Variants in UBE3A observed in about 807,000 individuals in gnomAD.
The protein encoded by UBE3A is ubiquitin-protein ligase E3A.
A neutral mutation model predicts 83.4 loss-of-function variants in UBE3A; 6 were observed. The observed-to-expected ratio is 0.07, with a 90% confidence interval of 0.04 to 0.14. The LOEUF (loss-of-function observed/expected upper bound fraction) is 0.14. Among genes scored for constraint, UBE3A ranks in the 10% least tolerant of loss-of-function variants. UBE3A has a pLI of 1.00. For missense variants in UBE3A, 456 were observed against 1,036.1 expected (o/e 0.44, Z 7.69); for synonymous variants, 337 against 355.4 (o/e 0.95, Z 0.58).
intron 11 of UBE3A, among the ~76,000 whole-genome samples, chr15:25,351,235 G>A (rs987219828): frequency 6.6e-6 from 1 of 152,086 alleles, no homozygotes; most frequent in African/African-American, 2.4e-5. Flanking sequence ...TGTAATTTAG[G>A]GTAGTCATAG....
chr15:25,346,430 AT>A (rs1224394096), intron 11 of UBE3A: 1 of 150,198 alleles, frequency 6.7e-6, no homozygotes, highest in Non-Finnish European at 1.5e-5. Flanking sequence ...TGAAGTTAAA[AT>A]TTTTAAAAAG....
intron 1 of UBE3A, among the ~76,000 whole-genome samples, chr15:25,435,005 C>T (rs939265372): frequency 6.8e-6 from 1 of 147,990 alleles, no homozygotes; most frequent in African/African-American, 2.5e-5. Context: ...CACACACACA[C>T]ACACACACAC....
rs192131651 is a variant in UBE3A at position 25,337,753 on chromosome 15, A to G, written c.*1384T>C. 294 of 152,228 alleles carry G rather than the reference A, an allele frequency of 1.9e-3. 1 individual carries two copies. The highest frequency in any genetic ancestry group is 6.6e-3 in the African/African-American group (275 of 41,530). 9.4% of individuals were successfully genotyped at this position (152,228 alleles called of 1,614,324 possible). ...TAGCTATAGCTTGTAGCAAAAGGAT[A>G]TATCAATGTCTCACCTTAGTTAAAA... On this transcript the variant is annotated 3_prime_UTR_variant, in exon 13 of 13. Transcript: ENST00000648336.
intron 9 of UBE3A, 84 bp downstream of exon 9, chr15:25,355,808 T>C (rs954959775): frequency 1.4e-5 from 18 of 1,320,398 alleles, no homozygotes; most frequent in Non-Finnish European, 1.9e-5. Context: ...CAGACTATAT[T>C]AGATACTTCT....
At chr15:25,398,790 T>TAA (rs1207985872) in intron 4 of UBE3A, among the ~76,000 whole-genome samples, 1 of 66,016 alleles carries the variant, frequency 1.5e-5, no homozygotes, top group African/African-American at 5.3e-5. Flanking sequence ...TATATATATA[T>TAA]ATATATATAT....
chr15:25,369,386 A>C lies in UBE3A; in HGVS notation c.1608+1180T>G, dbSNP rs577500690. Among the ~76,000 whole-genome samples the C allele has an allele frequency of 4.1e-5, 6 of 146,112 alleles. No individual in the cohort carries two copies. In the East Asian group the frequency reaches 7.7e-4, roughly 19 times the overall value. Reference sequence around the variant, plus strand: ...AACAAACCAGTAACAAAAAAAAAAAAAACACACAAAATCTCTGCAATTTTT... The same window carrying C: ...AACAAACCAGTAACAAAAAAAAAAACAACACACAAAATCTCTGCAATTTTT... On this transcript the variant is annotated intron_variant, in intron 6 of 12. Coordinates refer to ENST00000648336, the MANE Select transcript of UBE3A (RefSeq NM_130839.5).
chr15:25,405,734 C>T, intron 3 of UBE3A: 1 of 552,690 alleles, frequency 1.8e-6, no homozygotes, highest in Admixed American at 3.1e-5. Context: ...TTAAAGGAAA[C>T]TGTAAACGCT....
Position 25,356,012 on chromosome 15 carries a change from A to G in UBE3A, c.2004T>C (p.Asn668=), listed in dbSNP as rs1223940237. 1.2e-6 allele frequency: 2 copies of G among 1,613,710 alleles called. No homozygotes were observed. The highest frequency in any genetic ancestry group is 4.5e-5 in the East Asian group (2 of 44,776). The change falls in exon 9 of 13, where the codon AAT becomes AAC. Residue 668 remains asparagine (N), a synonymous_variant. Coordinates refer to ENST00000648336, the MANE Select transcript of UBE3A (RefSeq NM_130839.5). ...AAGTGATCATCATGTCATCTTCCACATTCCCTTCATACTCCAATAAATCTT... is the reference window on the plus strand; with the variant it reads ...AAGTGATCATCATGTCATCTTCCACGTTCCCTTCATACTCCAATAAATCTT... ...SLKDLLEYEG[N]VEDDMMITFQ...
chr15:25,370,556 C>G lies in UBE3A; in HGVS notation c.1608+10G>C, dbSNP rs1442871750. ...CATTATTAGGTTTTTAATCTAGCAG[C>G]CCAACTTACCCGGACAAGTGCATCA... On this transcript the variant is annotated intron_variant, in intron 6 of 12. Coordinates refer to ENST00000648336, the MANE Select transcript of UBE3A (RefSeq NM_130839.5). The surrounding 1 kb of genome is among the most constrained non-coding windows in gnomAD (Gnocchi z 4.2). 6.2e-7 allele frequency: 1 copy of G among 1,613,982 alleles called. No homozygotes were observed. The highest frequency in any genetic ancestry group is 8.5e-7 in the Non-Finnish European group (1 of 1,179,942).
At chr15:25,359,293 A>G (rs1162907133) in intron 7 of UBE3A, among the ~76,000 whole-genome samples, 9 of 152,238 alleles carry the variant, frequency 5.9e-5, no homozygotes, top group African/African-American at 1.4e-4. Flanking sequence ...TATGAAGTTT[A>G]TAATTTTCTA....
chr15:25,407,262 A>T, intron 3 of UBE3A: 1 of 1,090,656 alleles, frequency 9.2e-7, no homozygotes, highest in Middle Eastern at 2.6e-4. Flanking sequence ...ACCTGCTGGC[A>T]CTGAGGGAAG....
intron 11 of UBE3A, among the ~76,000 whole-genome samples, chr15:25,344,598 ACATT>A (rs1450445065): frequency 6.6e-6 from 1 of 152,232 alleles, no homozygotes; most frequent in South Asian, 2.1e-4. Flanking sequence ...AAATACAAAA[ACATT>A]CATTAGTTCG....
At chr15:25,356,539 TG>T in intron 8 of UBE3A, 151 bp downstream of exon 8, 1 of 765,714 alleles carries the variant, frequency 1.3e-6, no homozygotes, top group Non-Finnish European at 2.1e-6. Flanking sequence ...TAAGTGTTTC[TG>T]GTACTTCGGT....
Position 25,354,337 on chromosome 15 carries a change from G to A in UBE3A, c.2354+16C>T, listed in dbSNP as rs1464903824. 1.2e-6 allele frequency: 2 copies of A among 1,611,050 alleles called. No individual in the cohort carries two copies. Among genetic ancestry groups the A allele is most frequent in the South Asian group, 1.1e-5 (1 of 90,978 alleles). Reference sequence around the variant, plus strand: ...TTGGTGAATCAAATCTTCCTCTGAAGAACTAAGTACCTCACCTAATCAGAA... The same window carrying A: ...TTGGTGAATCAAATCTTCCTCTGAAAAACTAAGTACCTCACCTAATCAGAA... On this transcript the variant is annotated intron_variant, in intron 11 of 12. Coordinates refer to ENST00000648336, the MANE Select transcript of UBE3A (RefSeq NM_130839.5).
chr15:25,437,478 C>T, intron 1 of UBE3A, among the ~76,000 whole-genome samples: 1 of 152,138 alleles, frequency 6.6e-6, no homozygotes. Context: ...TAATTTGCTG[C>T]TTCTCTCAAT....
At chr15:25,430,036 T>C (rs1273871241) in intron 1 of UBE3A, among the ~76,000 whole-genome samples, 2 of 112,440 alleles carry the variant, frequency 1.8e-5, no homozygotes, top group African/African-American at 4.0e-5. Flanking sequence ...CCTATATATA[T>C]ATATATATAT....
At chr15:25,368,921 T>TAA (rs1434042530) in intron 6 of UBE3A, among the ~76,000 whole-genome samples, 1 of 152,132 alleles carries the variant, frequency 6.6e-6, no homozygotes, top group Admixed American at 6.5e-5. Flanking sequence ...GAATGATTCT[T>TAA]ACAGTGTAAT....
At position 25,335,099 on chromosome 15, in the gene UBE3A, A is replaced by T. The variant is rs536809660; in HGVS notation, c.*4038T>A. 2 of 152,302 alleles carry T rather than the reference A, an allele frequency of 1.3e-5. No individual in the cohort carries two copies. Among genetic ancestry groups the T allele is most frequent in the South Asian group, 2.1e-4 (1 of 4,830 alleles). The allele number at this position is 152,302 out of a possible 1,614,324, so 9.4% of individuals were successfully genotyped here. A position where few individuals can be genotyped will look rare whatever the true frequency, so the allele number is the denominator to read the frequency against. On this transcript the variant is annotated 3_prime_UTR_variant, in exon 13 of 13. Coordinates refer to ENST00000648336, the MANE Select transcript of UBE3A (RefSeq NM_130839.5). ...AGAAAATTCCTTAACTGAAATGTGGAAAGAGTATCAAGAGGAGACCCTAAG... is the reference window on the plus strand; with the variant it reads ...AGAAAATTCCTTAACTGAAATGTGGTAAGAGTATCAAGAGGAGACCCTAAG...
At chr15:25,405,916 C>T (rs1274714315) in intron 3 of UBE3A, among the ~76,000 whole-genome samples, 2 of 152,106 alleles carry the variant, frequency 1.3e-5, no homozygotes, top group African/African-American at 4.8e-5. Flanking sequence ...ATTAGTGGCT[C>T]AGTAAACTAC....
Sources: allele counts gnomAD v4.1 joint callset (sites outside exome capture counted in the v4.1 genomes callset), GRCh38; gene constraint gnomAD v4.1.1; non-coding constraint Gnocchi (gnomAD v3.1); transcripts MANE v1.5; gene names NCBI Gene and HGNC (gene_info 2026-07-23, HGNC 2026-07-21).